ITIH5: variants seen among roughly 807,000 people sequenced by gnomAD.
ITIH5 encodes the protein inter-alpha-trypsin inhibitor heavy chain H5.
ITIH5 carries 65 observed loss-of-function variants against 77.5 expected under a neutral mutation model. The ratio of observed to expected loss-of-function variants is 0.84; its 90% CI spans 0.69 to 1.03. ITIH5 has a LOEUF of 1.03. Among genes scored for constraint, ITIH5 ranks in the 50% least tolerant of loss-of-function variants. The pLI, the probability that ITIH5 is intolerant of heterozygous loss-of-function variation, is 0.00. For synonymous variants in ITIH5, 525 were observed against 494.3 expected (o/e 1.06, Z -0.82); for missense variants, 1,208 against 1,213.1 (o/e 1.00, Z 0.06).
At chr10:7,643,974 C>G (rs1023542858) in intron 2 of ITIH5, among the ~76,000 whole-genome samples, 1 of 152,202 alleles carries the variant, frequency 6.6e-6, no homozygotes, top group African/African-American at 2.4e-5. Context: ...GGCGCGGTGG[C>G]TCACACCTGT....
chr10:7,597,817 TA>T (rs1310985997), intron 7 of ITIH5, among the ~76,000 whole-genome samples: 1 of 152,106 alleles, frequency 6.6e-6, no homozygotes, highest in Non-Finnish European at 1.5e-5. Context: ...AAAGGTAATA[TA>T]AACTTATGTT....
intron 13 of ITIH5, among the ~76,000 whole-genome samples, chr10:7,565,168 T>A (rs1193061882): frequency 8.4e-6 from 1 of 118,800 alleles, no homozygotes; most frequent in Non-Finnish European, 1.8e-5. Flanking sequence ...TAAACACACA[T>A]ACATACACAG....
In ITIH5 at chr10:7,585,965, T is replaced by C; in HGVS notation, c.1044A>G (p.Ile348Met). The change falls in exon 8 of 14, where the codon ATA becomes ATG. Residue 348 changes from isoleucine (I) to methionine (M), a missense_variant. Coordinates refer to ENST00000397146, the MANE Select transcript of ITIH5 (RefSeq NM_030569.7). ...NRIKVWKDHLISVTPDSIRDG... is the reference protein window; with the variant it reads ...NRIKVWKDHLMSVTPDSIRDG... Reference sequence around the variant, plus strand: ...CCCTGATGCTGTCTGGAGTGACTGATATCAAGTGGTCCTTCCATACTTTGA... The same window carrying C: ...CCCTGATGCTGTCTGGAGTGACTGACATCAAGTGGTCCTTCCATACTTTGA... 1 of 1,614,142 alleles carries C rather than the reference T, an allele frequency of 6.2e-7. No individual in the cohort carries two copies. Among genetic ancestry groups the C allele is most frequent in the Non-Finnish European group, 8.5e-7 (1 of 1,180,010 alleles).
In ITIH5 at chr10:7,617,301, C is replaced by T. The variant is rs1280289785; in HGVS notation, c.653-19G>A. ...GAATCATCTGCAAACAAGATAGAAACATAATTAATAACTTAATATATATTT... is the reference window on the plus strand; with the variant it reads ...GAATCATCTGCAAACAAGATAGAAATATAATTAATAACTTAATATATATTT... On this transcript the variant is annotated intron_variant, in intron 5 of 13. Coordinates refer to ENST00000397146, the MANE Select transcript of ITIH5 (RefSeq NM_030569.7). The T allele has an allele frequency of 7.0e-7, 1 of 1,435,322 alleles. No homozygotes were observed. The highest frequency in any genetic ancestry group is 2.6e-5 in the East Asian group (1 of 38,722). The allele number at this position is 1,435,322 out of a possible 1,614,324, so 88.9% of individuals were successfully genotyped here.
chr10:7,595,334 C>A (rs766295824), intron 7 of ITIH5, among the ~76,000 whole-genome samples: 1 of 85,064 alleles, frequency 1.2e-5, no homozygotes, highest in Non-Finnish European at 3.0e-5. Context: ...ACTTAGTAAA[C>A]GGAAAGAATA....
At chr10:7,644,606 C>CAT (rs1564277689) in intron 2 of ITIH5, among the ~76,000 whole-genome samples, 1,966 of 106,018 alleles carry the variant, frequency 0.019, 103 homozygotes, top group African/African-American at 0.049. Flanking sequence ...ATACATATCA[C>CAT]ATATATCACA....
rs534280863 is a variant in ITIH5, at chr10:7,616,008, A to G, written c.913T>C (p.Ser305Pro). ...TGCCGGAGTTTGGTTCCCACCATAG[A>G]AGCACTGCTGTCAAGCACGAATACC... ...NVVFVLDSSASMVGTKLRQTK... is the reference protein window; with the variant it reads ...NVVFVLDSSAPMVGTKLRQTK... The change falls in exon 7 of 14, where the codon TCT (serine) becomes CCT (proline). Residue 305 changes from serine to proline, a missense_variant. Coordinates refer to ENST00000397146, the MANE Select transcript of ITIH5 (RefSeq NM_030569.7). 38 of 1,611,386 alleles carry G rather than the reference A, an allele frequency of 2.4e-5. 1 individual carries two copies. In the South Asian group the frequency reaches 4.1e-4, roughly 17 times the overall value.
chr10:7,659,536 T>A (rs969583379), intron 1 of ITIH5, among the ~76,000 whole-genome samples: 1 of 152,178 alleles, frequency 6.6e-6, no homozygotes, highest in South Asian at 2.1e-4. Flanking sequence ...CCCTAAATTG[T>A]GGAGCAGCCT....
chr10:7,611,609 A>G (rs1833245674), intron 7 of ITIH5, among the ~76,000 whole-genome samples: 1 of 152,138 alleles, frequency 6.6e-6, no homozygotes, highest in African/African-American at 2.4e-5. Context: ...ATTTTATCAA[A>G]TCATCTTATT....
chr10:7,590,726 C>T (rs12778263), intron 7 of ITIH5, among the ~76,000 whole-genome samples: 43,112 of 152,020 alleles, frequency 0.28, 6,468 homozygotes, highest in East Asian at 0.49. Context: ...GTCTTTGTGC[C>T]CAAGACTCTT....
At chr10:7,656,280 T>C (rs564323022) in intron 1 of ITIH5, among the ~76,000 whole-genome samples, 207 of 152,304 alleles carry the variant, frequency 1.4e-3, no homozygotes, top group Non-Finnish European at 2.2e-3. Context: ...AGTGGTGCGA[T>C]CACAGCTCAC....
chr10:7,637,583 C>T (rs1339774825), intron 4 of ITIH5, 105 bp from the exon 5 acceptor site: 32 of 1,136,648 alleles, frequency 2.8e-5, no homozygotes, highest in Non-Finnish European at 3.8e-5. Context: ...ACCAGCCTGC[C>T]AGGGAGACCC....
intron 5 of ITIH5, among the ~76,000 whole-genome samples, chr10:7,631,216 G>A (rs1372080532): frequency 6.6e-6 from 1 of 152,114 alleles, no homozygotes; most frequent in East Asian, 1.9e-4. Flanking sequence ...TGATTTCATT[G>A]GCATGGGTGA....
chr10:7,575,446 T>G (rs1267610781), intron 10 of ITIH5, among the ~76,000 whole-genome samples: 1 of 152,162 alleles, frequency 6.6e-6, no homozygotes, highest in Non-Finnish European at 1.5e-5. Context: ...CCGACCAAAC[T>G]CAGTTTCCTC....
intron 7 of ITIH5, among the ~76,000 whole-genome samples, chr10:7,610,069 C>CTTTTTTTTTTTTTTTTTTTT (rs5782989): frequency 1.2e-5 from 1 of 86,730 alleles, no homozygotes; most frequent in African/African-American, 3.9e-5. Context: ...TTTCTTTTTT[C>CTTTTTTTTTTTTTTTTTTTT]TTTTTTTTTT....
chr10:7,611,851 A>G (rs1394295375), intron 7 of ITIH5, among the ~76,000 whole-genome samples: 1 of 151,404 alleles, frequency 6.6e-6, no homozygotes, highest in African/African-American at 2.4e-5. Context: ...AAAAGTGATT[A>G]TACTGCTTTT....
At chr10:7,588,376 T>C (rs1041254175) in intron 7 of ITIH5, among the ~76,000 whole-genome samples, 1 of 152,138 alleles carries the variant, frequency 6.6e-6, no homozygotes, top group Non-Finnish European at 1.5e-5. Context: ...AAAAATTAGC[T>C]GGGCGTGGTG....
chr10:7,577,518 G>C lies in ITIH5; in HGVS notation c.1419-506C>G, dbSNP rs540683547. ...TGTGTACACTTACGTTTCTTAAAGG[G>C]ACTCTTAAAAACCTTTTTCTTAGAA... On this transcript the variant is annotated intron_variant, in intron 9 of 13. Transcript: ENST00000397146. Among the ~76,000 whole-genome samples, 3 of 152,276 alleles carry C rather than the reference G, an allele frequency of 2.0e-5. No individual in the cohort carries two copies. The East Asian group carries it at 5.8e-4, about 29-fold the overall frequency.
intron 13 of ITIH5, among the ~76,000 whole-genome samples, chr10:7,564,955 G>A (rs1832111232): frequency 7.3e-6 from 1 of 136,538 alleles, no homozygotes; most frequent in South Asian, 2.3e-4. Context: ...TACACAGACT[G>A]TATACATACA....
Sources: allele counts gnomAD v4.1 joint callset (sites outside exome capture counted in the v4.1 genomes callset), GRCh38; gene constraint gnomAD v4.1.1; transcripts MANE v1.5; gene names NCBI Gene and HGNC (gene_info 2026-07-23, HGNC 2026-07-21).